Variants in ME1 observed in about 807,000 individuals in gnomAD.
ME1 encodes NADP-dependent malic enzyme.
A neutral mutation model predicts 66.4 loss-of-function variants in ME1; 74 were observed. The observed-to-expected ratio is 1.11, with a 90% CI of 0.92 to 1.35. The LOEUF is 1.35. ME1 is among the 40% of genes most tolerant of loss of function. The probability of loss-of-function intolerance (pLI) is 0.00; values close to 1 mark genes in which losing one functional copy is unlikely to be tolerated. For synonymous variants in ME1, 251 were observed against 235.6 expected (o/e 1.07, Z -0.60); for missense variants, 750 against 694.1 (o/e 1.08, Z -0.90).
intron 5 of ME1, among the ~76,000 whole-genome samples, chr6:83,344,687 T>C (rs531627337): frequency 6.6e-6 from 1 of 151,942 alleles, no homozygotes; most frequent in South Asian, 2.1e-4. Flanking sequence ...ATCGAGACCA[T>C]CCTGGCTAAC....
chr6:83,223,546 A>G (rs1256843707), intron 12 of ME1, among the ~76,000 whole-genome samples: 1 of 152,206 alleles, frequency 6.6e-6, no homozygotes. Context: ...GAAATCAAAA[A>G]CACAATTTTT....
intron 7 of ME1, among the ~76,000 whole-genome samples, chr6:83,242,865 G>A (rs566315689): frequency 6.6e-6 from 1 of 152,198 alleles, no homozygotes; most frequent in Admixed American, 6.5e-5. Context: ...TGACCAGACT[G>A]ATACAGCAAA....
chr6:83,264,662 C>A lies in ME1; in HGVS notation c.705-10924G>T, dbSNP rs556914990. ...GGTTCAAGATGTTAGCAGAGGAAGTCACTGCAGATGTGGTGGAAATAACAA... is the reference window on the plus strand; with the variant it reads ...GGTTCAAGATGTTAGCAGAGGAAGTAACTGCAGATGTGGTGGAAATAACAA... On this transcript the variant is annotated intron_variant, in intron 6 of 13. Transcript: ENST00000369705. Among the ~76,000 whole-genome samples, 5 of 152,254 alleles carry A rather than the reference C, an allele frequency of 3.3e-5. No individual in the cohort carries two copies. In the South Asian group the frequency reaches 1.0e-3, roughly 32 times the overall value.
chr6:83,270,805 C>T (rs1767069722), intron 6 of ME1, among the ~76,000 whole-genome samples: 1 of 152,050 alleles, frequency 6.6e-6, no homozygotes, highest in Admixed American at 6.6e-5. Context: ...ACTGAAAAGA[C>T]TACACATGCA....
intron 7 of ME1, among the ~76,000 whole-genome samples, chr6:83,240,319 A>T (rs1056945886): frequency 2.0e-5 from 3 of 152,112 alleles, no homozygotes; most frequent in Admixed American, 6.5e-5. Context: ...AAATCTAATT[A>T]TATTGTATCA....
chr6:83,283,324 GA>G (rs2128533500), intron 6 of ME1, among the ~76,000 whole-genome samples: 1 of 150,266 alleles, frequency 6.7e-6, no homozygotes, highest in South Asian at 2.1e-4. Flanking sequence ...CACAGGAACA[GA>G]AAACCAAACA....
chr6:83,247,825 C>T (rs1365268543), intron 7 of ME1, among the ~76,000 whole-genome samples: 2 of 152,132 alleles, frequency 1.3e-5, no homozygotes, highest in African/African-American at 4.8e-5. Context: ...TTTCTCTAGT[C>T]AGAGATTAGA....
At chr6:83,306,685 G>T (rs1767830565) in intron 6 of ME1, among the ~76,000 whole-genome samples, 1 of 152,046 alleles carries the variant, frequency 6.6e-6, no homozygotes, top group Admixed American at 6.6e-5. Flanking sequence ...TGCCACTGTA[G>T]TTTCAAGAAC....
At chr6:83,412,740 A>G (rs1770076568) in intron 1 of ME1, among the ~76,000 whole-genome samples, 1 of 152,232 alleles carries the variant, frequency 6.6e-6, no homozygotes, top group South Asian at 2.1e-4. Context: ...AAAAGGCTAC[A>G]TACTGTATGA....
chr6:83,372,172 G>C (rs1769202239), intron 3 of ME1, among the ~76,000 whole-genome samples: 2 of 152,110 alleles, frequency 1.3e-5, no homozygotes, highest in Non-Finnish European at 2.9e-5. Context: ...TTCTCCCGTA[G>C]AGAAGTGGGG....
intron 6 of ME1, among the ~76,000 whole-genome samples, chr6:83,295,625 T>C (rs999779537): frequency 6.6e-6 from 1 of 151,910 alleles, no homozygotes; most frequent in South Asian, 2.1e-4. Context: ...TTCTCCAGCC[T>C]CAGCAAACCA....
At chr6:83,299,962 C>T (rs556044623) in intron 6 of ME1, among the ~76,000 whole-genome samples, 3 of 152,060 alleles carry the variant, frequency 2.0e-5, no homozygotes, top group African/African-American at 4.8e-5. Context: ...GACTTGAATG[C>T]GGTGGATAAG....
chr6:83,254,359 T>C (rs1317304851), intron 6 of ME1, among the ~76,000 whole-genome samples: 2 of 152,196 alleles, frequency 1.3e-5, no homozygotes, highest in Non-Finnish European at 2.9e-5. Context: ...GTAAACATGC[T>C]TTCTTCAGTC....
chr6:83,385,611 A>G (rs972603635), intron 3 of ME1, among the ~76,000 whole-genome samples: 3 of 151,946 alleles, frequency 2.0e-5, no homozygotes, highest in African/African-American at 7.3e-5. Context: ...GAAGATTTAT[A>G]CGTCTACGCA....
At chr6:83,278,360 G>T (rs1235534399) in intron 6 of ME1, among the ~76,000 whole-genome samples, 1 of 152,188 alleles carries the variant, frequency 6.6e-6, no homozygotes, top group African/African-American at 2.4e-5. Flanking sequence ...GCTTCATTAG[G>T]TTTTGACTGA....
At chr6:83,223,127 C>A (rs1439793913) in intron 12 of ME1, among the ~76,000 whole-genome samples, 2 of 152,158 alleles carry the variant, frequency 1.3e-5, no homozygotes, top group African/African-American at 4.8e-5. Flanking sequence ...GAAATATTTA[C>A]CACTTAATCA....
In ME1 at chr6:83,375,958, C is replaced by T. The variant is rs535380176; in HGVS notation, c.362+22409G>A. On this transcript the variant is annotated intron_variant, in intron 3 of 13. Coordinates refer to ENST00000369705, the MANE Select transcript of ME1 (RefSeq NM_002395.6). ...CCAGAACTTAATATATGCATACATA[C>T]GTACTTCCAAGTAATATCATACTTG... 2.6e-5 allele frequency among the ~76,000 whole-genome samples: 4 copies of T among 152,158 alleles called. No homozygotes were observed. The East Asian group carries it at 5.8e-4, about 22-fold the overall frequency.
chr6:83,397,981 A>AG (rs1464151615), intron 3 of ME1, among the ~76,000 whole-genome samples: 2 of 152,166 alleles, frequency 1.3e-5, no homozygotes, highest in East Asian at 1.9e-4. Context: ...GGAGAAAGGT[A>AG]GGGGGAGCGG....
At chr6:83,290,263 T>TTAGTGCTA (rs1174238729) in intron 6 of ME1, among the ~76,000 whole-genome samples, 1 of 152,208 alleles carries the variant, frequency 6.6e-6, no homozygotes, top group African/African-American at 2.4e-5. Flanking sequence ...TTGTGGGCAT[T>TTAGTGCTA]TAGTGCTATA....
Sources: allele counts gnomAD v4.1 joint callset (sites outside exome capture counted in the v4.1 genomes callset), GRCh38; gene constraint gnomAD v4.1.1; transcripts MANE v1.5; gene names NCBI Gene and HGNC (gene_info 2026-07-23, HGNC 2026-07-21).